NCOR1: variants seen among roughly 807,000 people sequenced by gnomAD.
NCOR1 encodes nuclear receptor corepressor 1.
Under a neutral mutation model 288.1 loss-of-function variants are expected in NCOR1, and 63 were observed. That is an observed-to-expected ratio of 0.22 (90% CI 0.18 to 0.27). The LOEUF (loss-of-function observed/expected upper bound fraction) is 0.27. NCOR1 is among the 10% of genes least tolerant of loss of function. NCOR1 has a pLI of 1.00. For synonymous variants in NCOR1, 1,007 were observed against 1,065.9 expected, an observed-to-expected ratio of 0.94 and a Z score of 1.08; for missense variants, 2,397 against 3,019.2, an observed-to-expected ratio of 0.79 and a Z score of 4.83.
intron 21 of NCOR1, among the ~76,000 whole-genome samples, chr17:16,096,755 C>T (rs560657382): frequency 7.0e-4 from 107 of 152,312 alleles, no homozygotes; most frequent in Non-Finnish European, 1.3e-3. Flanking sequence ...CTACCCTTCT[C>T]TCCCATATGT....
At chr17:16,089,163 T>C (rs1320784373) in intron 22 of NCOR1, among the ~76,000 whole-genome samples, 2 of 151,370 alleles carry the variant, frequency 1.3e-5, no homozygotes, top group African/African-American at 4.8e-5. Flanking sequence ...TGGATGGTTC[T>C]AAACACAGCT....
chr17:16,040,677 C>G lies in NCOR1; in HGVS notation c.6680-183G>C, dbSNP rs550425925. 756 of 630,338 alleles carry G rather than the reference C, an allele frequency of 1.2e-3. 2 individuals carry two copies. Among genetic ancestry groups the G allele is most frequent in the Non-Finnish European group, 1.9e-3 (662 of 351,832 alleles). 39.0% of individuals were successfully genotyped at this position (630,338 alleles called of 1,614,324 possible). A position where few individuals can be genotyped will look rare whatever the true frequency, so the allele number is the denominator to read the frequency against. ...TTTTTTTTTGAGACAGGGTCTCACT[C>G]TGTTGCCCAGGCTATTTTTAAAGGG... On this transcript the variant is annotated intron_variant, in intron 42 of 45. Coordinates refer to ENST00000268712, the MANE Select transcript of NCOR1 (RefSeq NM_006311.4).
intron 18 of NCOR1, among the ~76,000 whole-genome samples, chr17:16,113,824 C>T (rs756926622): frequency 4.0e-5 from 6 of 151,634 alleles, no homozygotes; most frequent in East Asian, 1.9e-4. Context: ...ACCTGGGAGG[C>T]GGAGGTTGCA....
intron 6 of NCOR1, among the ~76,000 whole-genome samples, chr17:16,156,135 G>A (rs1481033678): frequency 6.6e-6 from 1 of 152,058 alleles, no homozygotes; most frequent in East Asian, 1.9e-4. Context: ...AGAAAGAAAA[G>A]AAGGAATAAA....
chr17:16,107,037 C>T (rs919806766), intron 19 of NCOR1, among the ~76,000 whole-genome samples: 3 of 151,022 alleles, frequency 2.0e-5, no homozygotes, highest in Non-Finnish European at 3.0e-5. Context: ...GGACTACAGG[C>T]GCCCGCCACC....
chr17:16,178,477 C>A (rs1421267830), intron 3 of NCOR1, among the ~76,000 whole-genome samples: 2 of 100,396 alleles, frequency 2.0e-5, no homozygotes, highest in Non-Finnish European at 3.6e-5. Context: ...CCAGCCTGGG[C>A]AACAGAGCAA....
At chr17:16,040,417 TAA>T (rs1417295146) in intron 43 of NCOR1, 22 bp downstream of exon 43, 1 of 1,609,866 alleles carries the variant, frequency 6.2e-7, no homozygotes, top group Non-Finnish European at 8.5e-7. Flanking sequence ...TTTGTATTGG[TAA>T]ATAATGTCTT....
intron 13 of NCOR1, chr17:16,137,689 T>C (rs1170245599): frequency 3.9e-6 from 1 of 255,582 alleles, no homozygotes; most frequent in African/African-American, 2.2e-5. Context: ...ACAAGTAAAT[T>C]CCCTTTCTGA....
intron 36 of NCOR1, 67 bp downstream of exon 36, chr17:16,062,038 G>A (rs1799646872): frequency 7.5e-6 from 12 of 1,592,014 alleles, no homozygotes; most frequent in African/African-American, 1.4e-5. Flanking sequence ...TTAGACTATT[G>A]CAGTCACAAA....
intron 18 of NCOR1, among the ~76,000 whole-genome samples, chr17:16,112,826 G>A (rs2070599890): frequency 6.6e-6 from 1 of 151,970 alleles, no homozygotes; most frequent in Non-Finnish European, 1.5e-5. Flanking sequence ...TAGACAGCCA[G>A]ATAGACACTT....
intron 22 of NCOR1, 75 bp downstream of exon 22, chr17:16,091,788 C>T: frequency 6.2e-7 from 1 of 1,603,170 alleles, no homozygotes; most frequent in South Asian, 1.1e-5. Context: ...TTACAAAGCA[C>T]AATGGACACT....
At chr17:16,097,901 G>A (rs971147468) in intron 21 of NCOR1, among the ~76,000 whole-genome samples, 2 of 152,138 alleles carry the variant, frequency 1.3e-5, no homozygotes, top group Admixed American at 6.5e-5. Flanking sequence ...AGATGATTAC[G>A]CCAGGTAGTT....
intron 3 of NCOR1, among the ~76,000 whole-genome samples, chr17:16,185,008 C>CAAAAAAAAAAAAA (rs34725978): frequency 1.0e-5 from 1 of 97,360 alleles, no homozygotes; most frequent in African/African-American, 4.1e-5. Context: ...GAATCTTAAA[C>CAAAAAAAAAAAAA]AAAAAAAAAA....
At chr17:16,093,706 G>A (rs183510765) in intron 21 of NCOR1, among the ~76,000 whole-genome samples, 1 of 152,084 alleles carries the variant, frequency 6.6e-6, no homozygotes, top group Admixed American at 6.5e-5. Flanking sequence ...TTTGTGCTTT[G>A]TCTTCCATAT....
chr17:16,106,371 T>C (rs908307169), intron 19 of NCOR1, among the ~76,000 whole-genome samples: 2 of 152,008 alleles, frequency 1.3e-5, no homozygotes, highest in African/African-American at 4.8e-5. Flanking sequence ...AGTAGGAAGG[T>C]TTCCAAGGCA....
intron 28 of NCOR1, among the ~76,000 whole-genome samples, chr17:16,072,960 C>T (rs910406953): frequency 5.3e-5 from 8 of 152,126 alleles, no homozygotes; most frequent in African/African-American, 1.7e-4. Flanking sequence ...GTGTTAGGTA[C>T]GATCCCTTAA....
intron 14 of NCOR1, among the ~76,000 whole-genome samples, chr17:16,130,594 T>C (rs965641978): frequency 2.6e-5 from 4 of 152,196 alleles, no homozygotes; most frequent in Non-Finnish European, 5.9e-5. Flanking sequence ...TAACAAGCTA[T>C]TCACTATGAA....
intron 1 of NCOR1, among the ~76,000 whole-genome samples, chr17:16,201,148 T>C (rs1236362394): frequency 6.6e-6 from 1 of 152,226 alleles, no homozygotes; most frequent in Non-Finnish European, 1.5e-5. Context: ...CAGCCTCTTT[T>C]GACATCATGA....
chr17:16,153,128 C>T (rs178659), intron 7 of NCOR1, among the ~76,000 whole-genome samples: 68,798 of 151,858 alleles, frequency 0.45, 16,598 homozygotes, highest in Middle Eastern at 0.58. Flanking sequence ...GCTGCTCAAG[C>T]AAAAACAAGC....
Sources: allele counts gnomAD v4.1 joint callset (sites outside exome capture counted in the v4.1 genomes callset), GRCh38; gene constraint gnomAD v4.1.1; transcripts MANE v1.5; gene names NCBI Gene and HGNC (gene_info 2026-07-23, HGNC 2026-07-21).